Variants in GRIN2A observed in about 807,000 individuals in gnomAD.
GRIN2A encodes the protein glutamate ionotropic receptor NMDA type subunit 2A, also known as glutamate receptor ionotropic, NMDA 2A.
Under a neutral mutation model 113.4 loss-of-function variants are expected in GRIN2A, and 22 were observed. That is an observed-to-expected ratio of 0.19 (90% CI 0.14 to 0.28). GRIN2A has a LOEUF of 0.28. Ranked by LOEUF, GRIN2A falls within the 10% of genes least tolerant of loss-of-function variation. The probability of loss-of-function intolerance (pLI) is 1.00; values close to 1 mark genes in which losing one functional copy is unlikely to be tolerated. For missense variants in GRIN2A, 1,502 were observed against 1,887.0 expected (o/e 0.80, Z 3.78); for synonymous variants, 827 against 738.4 (o/e 1.12, Z -1.94).
At chr16:10,167,089 T>C (rs980868894) in intron 2 of GRIN2A, among the ~76,000 whole-genome samples, 3 of 151,226 alleles carry the variant, frequency 2.0e-5, no homozygotes, top group African/African-American at 7.3e-5. Context: ...TGGGGGTTAA[T>C]GCAACTAGCG....
intron 2 of GRIN2A, among the ~76,000 whole-genome samples, chr16:9,980,057 C>G (rs1403552147): frequency 6.6e-6 from 1 of 151,472 alleles, no homozygotes; most frequent in Non-Finnish European, 1.5e-5. Context: ...GCCAGGAGTT[C>G]AAGACCAGCC....
At chr16:10,168,868 G>A (rs1472026105) in intron 2 of GRIN2A, among the ~76,000 whole-genome samples, 2 of 151,938 alleles carry the variant, frequency 1.3e-5, no homozygotes, top group African/African-American at 4.8e-5. Context: ...AGGAGGCTGA[G>A]GCAGGAGCAT....
chr16:9,827,512 C>G (rs750481874), intron 9 of GRIN2A, among the ~76,000 whole-genome samples: 4 of 152,212 alleles, frequency 2.6e-5, no homozygotes, highest in Non-Finnish European at 5.9e-5. Flanking sequence ...GAGAGTGATT[C>G]GTACCTTAAA....
At chr16:10,160,667 C>A (rs1023807123) in intron 2 of GRIN2A, among the ~76,000 whole-genome samples, 2 of 152,212 alleles carry the variant, frequency 1.3e-5, no homozygotes, top group Non-Finnish European at 2.9e-5. Flanking sequence ...ATTCTTCTAA[C>A]CGGTTGCACC....
chr16:9,897,836 A>T (rs2043836901), intron 3 of GRIN2A, among the ~76,000 whole-genome samples: 3 of 152,176 alleles, frequency 2.0e-5, no homozygotes, highest in African/African-American at 7.2e-5. Flanking sequence ...TCATGGAAGC[A>T]GGGACCTCAT....
chr16:10,103,115 C>T (rs561887999), intron 2 of GRIN2A, among the ~76,000 whole-genome samples: 5 of 152,296 alleles, frequency 3.3e-5, no homozygotes, highest in African/African-American at 1.2e-4. Context: ...AGGAGACCCA[C>T]TCGCAACTAT....
intron 2 of GRIN2A, among the ~76,000 whole-genome samples, chr16:9,975,486 T>C (rs1432688835): frequency 6.6e-6 from 1 of 151,884 alleles, no homozygotes; most frequent in Admixed American, 6.6e-5. Flanking sequence ...GAGAAAGAAG[T>C]CTCTAGGAGC....
At chr16:9,963,674 A>G (rs140509632) in intron 2 of GRIN2A, among the ~76,000 whole-genome samples, 216 of 152,354 alleles carry the variant, frequency 1.4e-3, no homozygotes, top group African/African-American at 4.9e-3. Context: ...TACCACTGAA[A>G]CATAAACAAA....
intron 10 of GRIN2A, among the ~76,000 whole-genome samples, chr16:9,813,951 T>C (rs1336901752): frequency 1.3e-5 from 2 of 152,180 alleles, no homozygotes; most frequent in African/African-American, 2.4e-5. Flanking sequence ...CTGATTCTGT[T>C]TGACTGATAA....
intron 2 of GRIN2A, among the ~76,000 whole-genome samples, chr16:10,030,852 T>C (rs1261586863): frequency 1.3e-5 from 2 of 152,136 alleles, no homozygotes; most frequent in Non-Finnish European, 1.5e-5. Flanking sequence ...GTGAGCAAAA[T>C]TGCTGTCAAA....
intron 2 of GRIN2A, among the ~76,000 whole-genome samples, chr16:10,118,737 A>AC (rs2142172216): frequency 6.6e-6 from 1 of 152,356 alleles, no homozygotes; most frequent in East Asian, 1.9e-4. Flanking sequence ...ACTGCTGAAT[A>AC]AAGTGTCCTA....
chr16:10,059,918 G>T (rs1374200398), intron 2 of GRIN2A, among the ~76,000 whole-genome samples: 1 of 152,084 alleles, frequency 6.6e-6, no homozygotes, highest in African/African-American at 2.4e-5. Flanking sequence ...GAGCCACTGG[G>T]ACACAGAGAG....
chr16:10,166,762 T>G (rs2049934060), intron 2 of GRIN2A, among the ~76,000 whole-genome samples: 1 of 152,122 alleles, frequency 6.6e-6, no homozygotes, highest in Non-Finnish European at 1.5e-5. Context: ...TATACGCAAA[T>G]TTCTTCTCCC....
At chr16:10,156,319 T>C (rs1021715095) in intron 2 of GRIN2A, among the ~76,000 whole-genome samples, 4 of 152,336 alleles carry the variant, frequency 2.6e-5, no homozygotes, top group African/African-American at 7.2e-5. Context: ...AGAATATAAA[T>C]TTTAAAAACC....
chr16:10,007,403 AC>A (rs1464474334), intron 2 of GRIN2A, among the ~76,000 whole-genome samples: 1 of 151,936 alleles, frequency 6.6e-6, no homozygotes, highest in Non-Finnish European at 1.5e-5. Context: ...GTTTTCATAG[AC>A]CTCTTTGCCA....
intron 11 of GRIN2A, among the ~76,000 whole-genome samples, chr16:9,784,289 G>A (rs999630377): frequency 6.6e-6 from 1 of 151,934 alleles, no homozygotes; most frequent in South Asian, 2.1e-4. Flanking sequence ...AATTAGCCAG[G>A]CGTGGTGGTG....
chr16:9,769,467 T>A (rs12708632), intron 11 of GRIN2A, among the ~76,000 whole-genome samples: 53,016 of 137,158 alleles, frequency 0.39, 10,071 homozygotes, highest in African/African-American at 0.48. Context: ...TTTTTTTTTT[T>A]TTTTGGTCAT....
intron 2 of GRIN2A, among the ~76,000 whole-genome samples, chr16:10,005,402 C>T (rs1331272400): frequency 1.3e-5 from 2 of 152,104 alleles, no homozygotes; most frequent in South Asian, 2.1e-4. Context: ...TTTTTTATTA[C>T]TCACATTAAC....
intron 2 of GRIN2A, among the ~76,000 whole-genome samples, chr16:9,941,429 G>A (rs964586374): frequency 6.6e-6 from 1 of 152,210 alleles, no homozygotes; most frequent in African/African-American, 2.4e-5. Flanking sequence ...ATAATTGGAG[G>A]GACAGCAGTT....
Sources: allele counts gnomAD v4.1 joint callset (sites outside exome capture counted in the v4.1 genomes callset), GRCh38; gene constraint gnomAD v4.1.1; transcripts MANE v1.5; gene names NCBI Gene and HGNC (gene_info 2026-07-23, HGNC 2026-07-21).